The following ASXL2 variants were observed in gnomAD, a reference collection of about 807,000 sequenced individuals.
ASXL2 encodes putative Polycomb group protein ASXL2.
Under a neutral mutation model 122.0 loss-of-function variants are expected in ASXL2, and 23 were observed. That is an observed-to-expected ratio of 0.19 (90% CI 0.14 to 0.27). ASXL2 has a LOEUF of 0.27. ASXL2 is among the 10% of genes least tolerant of loss of function. The pLI is 1.00. For missense variants in ASXL2, 1,518 were observed against 1,713.8 expected, an observed-to-expected ratio of 0.89 and a Z score of 2.02; for synonymous variants, 650 against 637.0, an observed-to-expected ratio of 1.02 and a Z score of -0.31.
At chr2:25,814,962 C>T (rs1041491267) in intron 3 of ASXL2, among the ~76,000 whole-genome samples, 1 of 152,126 alleles carries the variant, frequency 6.6e-6, no homozygotes, top group Non-Finnish European at 1.5e-5. Flanking sequence ...CTGTGTAACT[C>T]GATTGTACAG....
At chr2:25,837,056 A>G (rs1017978380) in intron 2 of ASXL2, among the ~76,000 whole-genome samples, 1 of 111,872 alleles carries the variant, frequency 8.9e-6, no homozygotes, top group Non-Finnish European at 1.7e-5. Context: ...AGACGAGCAA[A>G]GCAGGTTAAG....
intron 1 of ASXL2, among the ~76,000 whole-genome samples, chr2:25,874,299 G>A (rs2089993327): frequency 6.6e-6 from 1 of 152,096 alleles, no homozygotes; most frequent in Non-Finnish European, 1.5e-5. Flanking sequence ...GACCAGCCTG[G>A]GCAACATGGC....
At chr2:25,796,231 T>C (rs1361893051) in intron 5 of ASXL2, among the ~76,000 whole-genome samples, 1 of 152,194 alleles carries the variant, frequency 6.6e-6, no homozygotes, top group African/African-American at 2.4e-5. Context: ...TGAAGGGACT[T>C]AAATGAATGA....
At chr2:25,821,283 G>C (rs1031474775) in intron 3 of ASXL2, among the ~76,000 whole-genome samples, 8 of 152,146 alleles carry the variant, frequency 5.3e-5, no homozygotes, top group Admixed American at 6.5e-5. Context: ...CTTGTGCCCA[G>C]GAGTTCAAGG....
chr2:25,805,564 GAATGT>G (rs2089069056), intron 4 of ASXL2, among the ~76,000 whole-genome samples: 1 of 151,572 alleles, frequency 6.6e-6, no homozygotes, highest in African/African-American at 2.4e-5. Context: ...AATGAAATGA[GAATGT>G]AATGTAAAGC....
At position 25,734,458 on chromosome 2, in the gene ASXL2, A is replaced by T. The variant is rs1432120551; in HGVS notation, c.*7571T>A. 1 of 152,190 alleles carries T rather than the reference A, an allele frequency of 6.6e-6. No homozygotes were observed. The highest frequency in any genetic ancestry group is 1.5e-5 in the Non-Finnish European group (1 of 68,034). The allele number at this position is 152,190 out of a possible 1,614,324, so 9.4% of individuals were successfully genotyped here. Reference sequence around the variant, plus strand: ...AAAGCCCAACTCTATTATAATTTCCAAGCTCTAGGTATCTGAAGACATTAG... The same window carrying T: ...AAAGCCCAACTCTATTATAATTTCCTAGCTCTAGGTATCTGAAGACATTAG... On this transcript the variant is annotated 3_prime_UTR_variant, in exon 13 of 13. Coordinates refer to ENST00000435504, the MANE Select transcript of ASXL2 (RefSeq NM_018263.6).
At chr2:25,797,100 A>G (rs1168510797) in intron 5 of ASXL2, among the ~76,000 whole-genome samples, 2 of 152,220 alleles carry the variant, frequency 1.3e-5, no homozygotes, top group Middle Eastern at 3.2e-3. Flanking sequence ...AGACTTCATT[A>G]AACATTTCTG....
Position 25,744,861 on chromosome 2 carries a change from C to T in ASXL2, c.1861-385G>A, listed in dbSNP as rs763023803. On this transcript the variant is annotated intron_variant, in intron 12 of 12. Coordinates refer to ENST00000435504, the MANE Select transcript of ASXL2 (RefSeq NM_018263.6). The surrounding 1 kb of genome is among the most constrained non-coding windows in gnomAD (Gnocchi z 4.7). ...AAGAGAAAAGCAAGCAAGCCAGCCA[C>T]CCATACCACTACTGTCTTTTAGTTC... Among the ~76,000 whole-genome samples, 1 of 152,026 alleles carries T rather than the reference C, an allele frequency of 6.6e-6. No individual in the cohort carries two copies. The highest frequency in any genetic ancestry group is 1.5e-5 in the Non-Finnish European group (1 of 68,014).
intron 8 of ASXL2, among the ~76,000 whole-genome samples, chr2:25,761,153 C>T (rs570165762): frequency 6.6e-6 from 1 of 152,030 alleles, no homozygotes; most frequent in East Asian, 1.9e-4. Context: ...GACTGAAGCT[C>T]AAGAATGAGA....
intron 1 of ASXL2, 151 bp downstream of exon 1, chr2:25,878,015 T>A (rs1559535631): frequency 1.0e-6 from 1 of 958,430 alleles, no homozygotes; most frequent in South Asian, 1.3e-5. Context: ...CCCACAGGGA[T>A]CGCAACCCCG....
At chr2:25,802,029 G>C (rs2089006428) in intron 4 of ASXL2, among the ~76,000 whole-genome samples, 1 of 152,180 alleles carries the variant, frequency 6.6e-6, no homozygotes, top group East Asian at 1.9e-4. Context: ...TTAAGTCCAC[G>C]CAAAGATTAT....
chr2:25,831,735 C>T (rs2089456563), intron 3 of ASXL2, among the ~76,000 whole-genome samples: 1 of 151,984 alleles, frequency 6.6e-6, no homozygotes, highest in African/African-American at 2.4e-5. Flanking sequence ...AATAAACCTA[C>T]AGATTCAAGA....
In ASXL2 at chr2:25,796,171, G is replaced by T. The variant is rs764937042; in HGVS notation, c.403+3214C>A. On this transcript the variant is annotated intron_variant, in intron 5 of 12. Coordinates refer to ENST00000435504, the MANE Select transcript of ASXL2 (RefSeq NM_018263.6). ...GGAGTAGCAAAAACATTAACAGAGGGATGGTAGTGAATTATAACTATTTTT... is the reference window on the plus strand; with the variant it reads ...GGAGTAGCAAAAACATTAACAGAGGTATGGTAGTGAATTATAACTATTTTT... Among the ~76,000 whole-genome samples, 5 of 152,192 alleles carry T rather than the reference G, an allele frequency of 3.3e-5. No homozygotes were observed. In the South Asian group the frequency reaches 1.0e-3, roughly 32 times the overall value.
rs139056920 is a variant in ASXL2, at chr2:25,810,924, T to C, written c.144-4587A>G. ...AAAGCCAAAGGCAAAATATAAAAGA[T>C]TAAAAGAAAACAGTATAATCTTCTG... On this transcript the variant is annotated intron_variant, in intron 3 of 12. Transcript: ENST00000435504. Among the ~76,000 whole-genome samples the C allele has an allele frequency of 2.0e-4, 30 of 152,106 alleles. No homozygotes were observed. The East Asian group carries it at 5.8e-3, about 29-fold the overall frequency.
intron 3 of ASXL2, among the ~76,000 whole-genome samples, chr2:25,821,256 C>T (rs184422567): frequency 1.2e-3 from 190 of 152,076 alleles, no homozygotes; most frequent in African/African-American, 4.5e-3. Flanking sequence ...ACTCCAGAAG[C>T]TGAGATGAGA....
At chr2:25,767,169 CATAT>C (rs1400439013) in intron 8 of ASXL2, among the ~76,000 whole-genome samples, 10 of 152,266 alleles carry the variant, frequency 6.6e-5, no homozygotes, top group Admixed American at 2.6e-4. Flanking sequence ...TTCAGTCTGT[CATAT>C]ATATTTAATC....
intron 11 of ASXL2, among the ~76,000 whole-genome samples, chr2:25,751,571 C>A (rs1470212448): frequency 6.6e-6 from 1 of 151,290 alleles, no homozygotes; most frequent in African/African-American, 2.4e-5. Flanking sequence ...GAGATTAAGG[C>A]TACAGTGAAC....
chr2:25,735,562 T>C lies in ASXL2; in HGVS notation c.*6467A>G, dbSNP rs1300512723. On this transcript the variant is annotated 3_prime_UTR_variant, in exon 13 of 13. Coordinates refer to ENST00000435504, the MANE Select transcript of ASXL2 (RefSeq NM_018263.6). ...CTTATCATCTATAAGATGAAAATCA[T>C]GTTTTAAGAAAAATTCCCTTTAGCT... The C allele has an allele frequency of 6.6e-6, 1 of 152,178 alleles. No individual in the cohort carries two copies. Among genetic ancestry groups the C allele is most frequent in the African/African-American group, 2.4e-5 (1 of 41,450 alleles). 9.4% of individuals were successfully genotyped at this position (152,178 alleles called of 1,614,324 possible).
At chr2:25,782,272 C>T (rs1422489185) in intron 5 of ASXL2, among the ~76,000 whole-genome samples, 1 of 152,004 alleles carries the variant, frequency 6.6e-6, no homozygotes, top group African/African-American at 2.4e-5. Flanking sequence ...AGGCCAGGCG[C>T]GGTGGCTCAT....
Sources: gnomAD v4.1 joint callset for allele counts (sites outside exome capture counted in the v4.1 genomes callset) on GRCh38, gnomAD v4.1.1 for gene constraint, Gnocchi (gnomAD v3.1) non-coding constraint, MANE v1.5 for transcripts, NCBI Gene and HGNC (gene_info 2026-07-23, HGNC 2026-07-21) for gene names.